Variants in SCUBE1 observed in about 807,000 individuals in gnomAD.
SCUBE1 encodes the protein signal peptide, CUB and EGF-like domain-containing protein 1.
A neutral mutation model predicts 124.4 loss-of-function variants in SCUBE1; 59 were observed. The ratio of observed to expected loss-of-function variants is 0.47; its 90% CI spans 0.38 to 0.59. SCUBE1 has a LOEUF of 0.59. Ranked by LOEUF, SCUBE1 falls within the 20% of genes least tolerant of loss-of-function variation. The pLI is 0.00. For synonymous variants in SCUBE1, 545 were observed against 550.9 expected (o/e 0.99, Z 0.15); for missense variants, 1,150 against 1,371.2 (o/e 0.84, Z 2.55).
intron 3 of SCUBE1, among the ~76,000 whole-genome samples, chr22:43,302,653 C>T (rs924608829): frequency 3.3e-5 from 5 of 152,226 alleles, no homozygotes; most frequent in East Asian, 1.9e-4. Context: ...AGGCTGGGAA[C>T]GGGGTGCTTT....
In SCUBE1 at chr22:43,234,263, G is replaced by C. The variant is rs541431362; in HGVS notation, c.845-2388C>G. 6.0e-4 allele frequency among the ~76,000 whole-genome samples: 92 copies of C among 152,304 alleles called. No homozygotes were observed. The Middle Eastern group carries it at 0.01, about 17-fold the overall frequency. ...AGTTGGCTGTGTGATGCTGGGCAGG[G>C]AAAGGCACCTCTCTGAGCCTTAGGA... On this transcript the variant is annotated intron_variant, in intron 7 of 21. Coordinates refer to ENST00000360835, the MANE Select transcript of SCUBE1 (RefSeq NM_173050.5). This position sits in a 1 kb window ranked among gnomAD's most constrained non-coding sequence, Gnocchi z 4.4.
At chr22:43,262,405 G>A (rs551589004) in intron 5 of SCUBE1, among the ~76,000 whole-genome samples, 1 of 152,280 alleles carries the variant, frequency 6.6e-6, no homozygotes, top group African/African-American at 2.4e-5. Context: ...CGAGAAACCT[G>A]GTCCTGTAGA....
intron 3 of SCUBE1, among the ~76,000 whole-genome samples, chr22:43,314,602 G>T (rs60366892): frequency 0.053 from 8,093 of 152,188 alleles, 400 homozygotes; most frequent in East Asian, 0.25. Flanking sequence ...TCCCCCAAAA[G>T]GGTCCTAAGC....
intron 8 of SCUBE1, among the ~76,000 whole-genome samples, chr22:43,230,710 C>T (rs762037703): frequency 3.3e-5 from 5 of 152,210 alleles, no homozygotes; most frequent in African/African-American, 1.2e-4. Context: ...CGTCCAGGGA[C>T]GAAGAGGCTG....
chr22:43,237,049 T>TG (rs1172425293), intron 7 of SCUBE1, among the ~76,000 whole-genome samples: 1 of 100,308 alleles, frequency 1.0e-5, no homozygotes, highest in Non-Finnish European at 1.9e-5. Flanking sequence ...AAGGGCTGAG[T>TG]GGGGCAGCCT....
intron 15 of SCUBE1, among the ~76,000 whole-genome samples, chr22:43,217,051 A>T (rs1270804872): frequency 1.2e-4 from 5 of 41,930 alleles, no homozygotes; most frequent in African/African-American, 8.0e-4. Context: ...TCACCTCTTT[A>T]CCAACAGCTT....
At chr22:43,262,359 T>C (rs1923902665) in intron 5 of SCUBE1, among the ~76,000 whole-genome samples, 1 of 152,192 alleles carries the variant, frequency 6.6e-6, no homozygotes, top group Non-Finnish European at 1.5e-5. Flanking sequence ...TTTTCCTTCT[T>C]TGTACTACTC....
chr22:43,330,642 G>A (rs577932519), intron 2 of SCUBE1, among the ~76,000 whole-genome samples: 17 of 152,210 alleles, frequency 1.1e-4, no homozygotes, highest in African/African-American at 4.1e-4. Flanking sequence ...TTACGGATGG[G>A]CAAACTGAGG....
Position 43,220,598 on chromosome 22 carries a change from A to G in SCUBE1, c.1550-11T>C, listed in dbSNP as rs1402208565. ...TCACATGGCAGTGGTCTGGACGAGG[A>G]AAGGACCACTGTGGCAAAGGCGGCA... On this transcript the variant is annotated splice_polypyrimidine_tract_variant and intron_variant, in intron 13 of 21. Coordinates refer to ENST00000360835, the MANE Select transcript of SCUBE1 (RefSeq NM_173050.5). 6.2e-7 allele frequency: 1 copy of G among 1,612,358 alleles called. No homozygotes were observed. Among genetic ancestry groups the G allele is most frequent in the Non-Finnish European group, 8.5e-7 (1 of 1,179,130 alleles).
rs377214430 is a variant in SCUBE1, at chr22:43,258,322, A to G, written c.624T>C (p.Tyr208=). The part of the protein sequence containing the change: ...NQKDCTLTCN[Y]GNGGCQHSCE... ...AGCTGTGCTGGCAGCCTCCGTTTCC[A>G]TAATTACAGGTTACTAGTTAGGCCC... Residue 208 remains tyrosine (Y), a synonymous_variant, in exon 6 of 22, where the codon TAT becomes TAC. Coordinates refer to ENST00000360835, the MANE Select transcript of SCUBE1 (RefSeq NM_173050.5). This position sits in a 1 kb window ranked among gnomAD's most constrained non-coding sequence, Gnocchi z 5.0. 9 of 1,613,616 alleles carry G rather than the reference A, an allele frequency of 5.6e-6. No homozygotes were observed. In the South Asian group the frequency reaches 8.8e-5, roughly 16 times the overall value.
At chr22:43,259,120 A>G (rs1923778092) in intron 5 of SCUBE1, among the ~76,000 whole-genome samples, 1 of 152,226 alleles carries the variant, frequency 6.6e-6, no homozygotes, top group African/African-American at 2.4e-5. Flanking sequence ...TCTGAAGTAG[A>G]AAAAACTACA....
chr22:43,316,436 A>C (rs978093989), intron 3 of SCUBE1, among the ~76,000 whole-genome samples: 1 of 152,220 alleles, frequency 6.6e-6, no homozygotes, highest in African/African-American at 2.4e-5. Flanking sequence ...CTATCATTTG[A>C]AAATGGAGCA....
intron 6 of SCUBE1, among the ~76,000 whole-genome samples, chr22:43,240,123 T>C (rs929946277): frequency 1.3e-5 from 2 of 152,132 alleles, no homozygotes; most frequent in Non-Finnish European, 2.9e-5. Flanking sequence ...TGTGTGCGTG[T>C]GCATCTGAGA....
intron 2 of SCUBE1, among the ~76,000 whole-genome samples, chr22:43,322,290 T>A (rs1926584080): frequency 6.6e-6 from 1 of 152,098 alleles, no homozygotes. Flanking sequence ...GCATAGATTT[T>A]AAAAAACTGA....
chr22:43,205,012 G>A (rs1031076837), intron 21 of SCUBE1, among the ~76,000 whole-genome samples: 2 of 151,728 alleles, frequency 1.3e-5, no homozygotes, highest in Non-Finnish European at 2.9e-5. Context: ...ACCAACATCT[G>A]CAAACAGAGA....
chr22:43,281,537 CAGT>C (rs1924892167), intron 4 of SCUBE1, among the ~76,000 whole-genome samples: 1 of 67,756 alleles, frequency 1.5e-5, no homozygotes, highest in Non-Finnish European at 3.0e-5. Context: ...TCACCTCCCT[CAGT>C]CACCCTCCTG....
chr22:43,231,714 C>T (rs1444536201), intron 8 of SCUBE1, 39 bp downstream of exon 8: 1 of 1,542,234 alleles, frequency 6.5e-7, no homozygotes, highest in South Asian at 1.2e-5. Flanking sequence ...CACGATCCCG[C>T]TGGGCCCGAG....
chr22:43,280,737 CTCGGCCACCCTCCTGTCACCTCCCTCA>C (rs1569009771), intron 4 of SCUBE1, among the ~76,000 whole-genome samples: 1 of 59,638 alleles, frequency 1.7e-5, no homozygotes, highest in Admixed American at 2.1e-4. Flanking sequence ...CACCTTCCTC[CTCGGCCACCCTCCTGTCACCTCCCTCA>C]TTGGCCACCC....
rs756587875 is a variant in SCUBE1, at chr22:43,218,204, G to A, written c.1891+51C>T. On this transcript the variant is annotated intron_variant, in intron 15 of 21. Coordinates refer to ENST00000360835, the MANE Select transcript of SCUBE1 (RefSeq NM_173050.5). ...CCCACCACTGTTTACCCCGGCTCAT[G>A]TGCAAGGAAGGACAGAGTCAGCATC... The A allele has an allele frequency of 3.8e-6, 6 of 1,575,362 alleles. No homozygotes were observed. In the Admixed American group the frequency reaches 5.0e-5, roughly 13 times the overall value.
Sources: allele counts gnomAD v4.1 joint callset (sites outside exome capture counted in the v4.1 genomes callset), GRCh38; gene constraint gnomAD v4.1.1; non-coding constraint Gnocchi (gnomAD v3.1); transcripts MANE v1.5; gene names NCBI Gene and HGNC (gene_info 2026-07-23, HGNC 2026-07-21).